CDH8: variants seen among roughly 807,000 people sequenced by gnomAD.
The protein encoded by CDH8 is cadherin-8.
In CDH8, 17 loss-of-function variants were observed where a neutral mutation model predicts 68.1. The ratio of observed to expected loss-of-function variants is 0.25; its 90% CI spans 0.17 to 0.37. The LOEUF is 0.37. Among genes scored for constraint, CDH8 ranks in the 10% least tolerant of loss-of-function variants. The probability of loss-of-function intolerance (pLI) is 1.00; values close to 1 mark genes in which losing one functional copy is unlikely to be tolerated. For missense variants in CDH8, 763 were observed against 999.3 expected (o/e 0.76, Z 3.19); for synonymous variants, 372 against 365.1 (o/e 1.02, Z -0.21).
At chr16:61,994,602 G>A (rs1597114862) in intron 2 of CDH8, among the ~76,000 whole-genome samples, 1 of 152,114 alleles carries the variant, frequency 6.6e-6, no homozygotes, top group Non-Finnish European at 1.5e-5. Flanking sequence ...AAAACTATTT[G>A]GAGGATATGT....
intron 8 of CDH8, among the ~76,000 whole-genome samples, chr16:61,760,283 TTTTATTTATTTA>T (rs138123289): frequency 2.3e-4 from 34 of 146,320 alleles, no homozygotes; most frequent in African/African-American, 3.8e-4. Context: ...TGGAAGAAAA[TTTTATTTATTTA>T]TTTATTTATT....
At chr16:61,655,783 T>A (rs1448218433) in intron 10 of CDH8, 62 bp from the exon 11 acceptor site, 2 of 1,473,388 alleles carry the variant, frequency 1.4e-6, no homozygotes, top group African/African-American at 2.8e-5. Flanking sequence ...AAATAACACT[T>A]GTTTTTCTAG....
intron 10 of CDH8, among the ~76,000 whole-genome samples, chr16:61,686,538 A>G (rs1345648739): frequency 6.6e-6 from 1 of 151,990 alleles, no homozygotes; most frequent in Non-Finnish European, 1.5e-5. Context: ...TAATATGTTC[A>G]GATCACTAGA....
chr16:61,703,788 C>G (rs889740053), intron 10 of CDH8, among the ~76,000 whole-genome samples: 1 of 151,850 alleles, frequency 6.6e-6, no homozygotes, highest in Non-Finnish European at 1.5e-5. Context: ...TGCAGTGAGC[C>G]GAGATCGTGC....
intron 2 of CDH8, among the ~76,000 whole-genome samples, chr16:61,929,695 T>C (rs920461767): frequency 1.3e-5 from 2 of 152,076 alleles, no homozygotes; most frequent in African/African-American, 4.8e-5. Flanking sequence ...GAGACCAGCC[T>C]GGGCAACATA....
chr16:61,699,942 G>A (rs530275159), intron 10 of CDH8, among the ~76,000 whole-genome samples: 1 of 152,126 alleles, frequency 6.6e-6, no homozygotes, highest in South Asian at 2.1e-4. Context: ...AAGCCAATGT[G>A]CTTTATTAAT....
rs1963365538 is a variant in CDH8 at position 61,653,299 on chromosome 16, A to T, written c.*309T>A. On this transcript the variant is annotated 3_prime_UTR_variant, in exon 12 of 12. Transcript: ENST00000577390. ...TTAATTATGATTTTTTCCTCTATTT[A>T]AACCATTTATCTAAGGATTAGCCAG... 3 of 1,187,472 alleles carry T rather than the reference A, an allele frequency of 2.5e-6. No individual in the cohort carries two copies. Among genetic ancestry groups the T allele is most frequent in the Non-Finnish European group, 3.1e-6 (3 of 962,158 alleles). The allele number at this position is 1,187,472 out of a possible 1,614,324, so 73.6% of individuals were successfully genotyped here. A position where few individuals can be genotyped will look rare whatever the true frequency, so the allele number is the denominator to read the frequency against.
intron 8 of CDH8, among the ~76,000 whole-genome samples, chr16:61,729,885 G>A (rs1959485843): frequency 6.6e-6 from 1 of 151,286 alleles, no homozygotes; most frequent in Non-Finnish European, 1.5e-5. Context: ...TGAAAAAATT[G>A]CTAATTTTAC....
chr16:61,959,972 G>A lies in CDH8; in HGVS notation c.253-58499C>T, dbSNP rs59577045. Among the ~76,000 whole-genome samples, 86 of 51,804 alleles carry A rather than the reference G, an allele frequency of 1.7e-3. 6 individuals carry two copies. The highest frequency in any genetic ancestry group is 6.3e-3 in the African/African-American group (64 of 10,180). The allele number at this position is 51,804 out of a possible 152,430, so 34.0% of individuals were successfully genotyped here. ...AAATCTTTCTCTGTATGTGGTGTAT[G>A]TGTGTGTGTGTGTATATATATATAT... On this transcript the variant is annotated intron_variant, in intron 2 of 11. Coordinates refer to ENST00000577390, the MANE Select transcript of CDH8 (RefSeq NM_001796.5).
intron 2 of CDH8, among the ~76,000 whole-genome samples, chr16:61,954,415 C>T (rs557336847): frequency 1.3e-5 from 2 of 152,070 alleles, no homozygotes; most frequent in South Asian, 2.1e-4. Flanking sequence ...ATCCGTAGAA[C>T]CTACAATTAA....
intron 2 of CDH8, among the ~76,000 whole-genome samples, chr16:61,930,270 AACACAC>A (rs369686237): frequency 8.3e-5 from 12 of 144,348 alleles, no homozygotes; most frequent in South Asian, 2.2e-4. Context: ...AAAGTTAGAA[AACACAC>A]ACACACACAC....
At chr16:61,719,269 T>C (rs1959200308) in intron 9 of CDH8, among the ~76,000 whole-genome samples, 1 of 151,156 alleles carries the variant, frequency 6.6e-6, no homozygotes, top group Non-Finnish European at 1.5e-5. Flanking sequence ...ACACACTAAA[T>C]GAAGTCTTCA....
At chr16:61,963,934 G>A (rs975245819) in intron 2 of CDH8, among the ~76,000 whole-genome samples, 4 of 152,086 alleles carry the variant, frequency 2.6e-5, no homozygotes, top group Non-Finnish European at 5.9e-5. Flanking sequence ...TAGGCTCTCG[G>A]GCATTTCTCT....
chr16:61,784,174 G>T (rs1262807522), intron 8 of CDH8, among the ~76,000 whole-genome samples: 1 of 151,894 alleles, frequency 6.6e-6, no homozygotes, highest in Non-Finnish European at 1.5e-5. Context: ...CCATCAGTGT[G>T]CTGTATTCAG....
At chr16:61,949,870 T>A (rs1359103262) in intron 2 of CDH8, among the ~76,000 whole-genome samples, 1 of 151,680 alleles carries the variant, frequency 6.6e-6, no homozygotes. Flanking sequence ...ATGCCTGTAG[T>A]CCCAACTCTC....
intron 10 of CDH8, among the ~76,000 whole-genome samples, chr16:61,683,852 C>T (rs887320378): frequency 4.6e-5 from 7 of 151,936 alleles, no homozygotes; most frequent in Admixed American, 1.3e-4. Context: ...AAGGGCAGGG[C>T]CCATGTTTGG....
At chr16:62,027,189 T>A (rs1902216554) in intron 1 of CDH8, among the ~76,000 whole-genome samples, 1 of 152,190 alleles carries the variant, frequency 6.6e-6, no homozygotes, top group South Asian at 2.1e-4. Context: ...CCCCATATGA[T>A]GATATATTTT....
intron 4 of CDH8, among the ~76,000 whole-genome samples, chr16:61,839,403 A>G (rs1175439811): frequency 6.6e-6 from 1 of 152,132 alleles, no homozygotes; most frequent in African/African-American, 2.4e-5. Context: ...ATTTAGAGGA[A>G]AGTATAAAAT....
chr16:61,792,835 C>T (rs544014584), intron 7 of CDH8, among the ~76,000 whole-genome samples: 29 of 151,952 alleles, frequency 1.9e-4, no homozygotes, highest in African/African-American at 7.0e-4. Context: ...GTGTGCTGAC[C>T]GCTGTGTATA....
Sources: allele counts gnomAD v4.1 joint callset (sites outside exome capture counted in the v4.1 genomes callset), GRCh38; gene constraint gnomAD v4.1.1; transcripts MANE v1.5; gene names NCBI Gene and HGNC (gene_info 2026-07-23, HGNC 2026-07-21).